The following TBC1D31 variants were observed in gnomAD, a reference collection of about 807,000 sequenced individuals.
The protein encoded by TBC1D31 is TBC1 domain family member 31.
TBC1D31 carries 99 observed loss-of-function variants against 132.9 expected under a neutral mutation model. That is an observed-to-expected ratio of 0.74 (90% CI 0.63 to 0.88). The LOEUF (loss-of-function observed/expected upper bound fraction) is 0.88, where lower values mean the gene tolerates loss of function less well. TBC1D31 is among the 40% of genes least tolerant of loss of function. The pLI is 0.00. For synonymous variants in TBC1D31, 385 were observed against 419.4 expected (o/e 0.92, Z 1.00); for missense variants, 1,134 against 1,256.6 (o/e 0.90, Z 1.48).
intron 3 of TBC1D31, chr8:123,083,481 C>T (rs1344458442): frequency 6.6e-6 from 1 of 151,868 alleles, no homozygotes; most frequent in Non-Finnish European, 1.5e-5. Context: ...TGGTCTCGAA[C>T]TTCTAGGCTG....
chr8:123,087,750 G>A (rs1815911351), intron 4 of TBC1D31, among the ~76,000 whole-genome samples: 2 of 152,076 alleles, frequency 1.3e-5, no homozygotes, highest in Non-Finnish European at 2.9e-5. Context: ...AGACATTTTA[G>A]TTTAAAAATT....
intron 11 of TBC1D31, among the ~76,000 whole-genome samples, chr8:123,120,735 T>G (rs887815715): frequency 1.2e-4 from 18 of 152,118 alleles, no homozygotes; most frequent in Admixed American, 2.0e-4. Context: ...TTTCATCTTA[T>G]GAATATATCA....
chr8:123,157,055 T>A (rs568497509), downstream of TBC1D31, among the ~76,000 whole-genome samples: 13 of 152,344 alleles, frequency 8.5e-5, no homozygotes, highest in African/African-American at 2.9e-4. Context: ...TGCTCTTTCC[T>A]GGACACTCGG....
chr8:123,112,114 CAATGTATTGGTATT>C (rs770200373), intron 10 of TBC1D31, among the ~76,000 whole-genome samples: 212 of 152,286 alleles, frequency 1.4e-3, no homozygotes, highest in Middle Eastern at 3.4e-3. Context: ...CCTCTACCAC[CAATGTATTGGTATT>C]AATGTATTGG....
rs117552523 is a variant in TBC1D31, at chr8:123,082,758, G to T, written c.281G>T (p.Arg94Leu). ...TGCACAGCTCTGGCCTTTAATCTTC[G>T]TAGGAAATCTGAATTCCTTGTGGCA... ...QACTALAFNL[R>L]RKSEFLVALA... The change falls in exon 3 of 22, where the codon CGT becomes CTT. Residue 94 changes from arginine (R) to leucine (L), a missense_variant. Transcript: ENST00000287380. 36 of 1,613,160 alleles carry T rather than the reference G, an allele frequency of 2.2e-5. No individual in the cohort carries two copies. The highest frequency in any genetic ancestry group is 1.0e-4 in the Admixed American group (6 of 59,996).
intron 6 of TBC1D31, among the ~76,000 whole-genome samples, chr8:123,100,241 G>A (rs748750817): frequency 3.9e-5 from 6 of 152,058 alleles, no homozygotes; most frequent in Non-Finnish European, 7.4e-5. Flanking sequence ...TAGAGCCAGG[G>A]CATAATCAAC....
At chr8:123,096,168 TCCTATTTAA>T (rs1816816209) in intron 5 of TBC1D31, among the ~76,000 whole-genome samples, 1 of 152,196 alleles carries the variant, frequency 6.6e-6, no homozygotes. Flanking sequence ...CATGTCACTT[TCCTATTTAA>T]CCTCCTTCAT....
intron 2 of TBC1D31, 174 bp from the exon 3 acceptor site, chr8:123,082,528 G>A: frequency 1.7e-6 from 1 of 571,524 alleles, no homozygotes; most frequent in Non-Finnish European, 3.1e-6. Flanking sequence ...TTCCTATTCT[G>A]ATAACATCCA....
At position 123,097,307 on chromosome 8, in the gene TBC1D31, G is replaced by A. The variant is rs911090407; in HGVS notation, c.697G>A (p.Gly233Ser). ...TRDGRILAAG[G>S]KSNHLHLWCL... ...AGATGGCCGAATCCTGGCTGCTGGA[G>A]GCAAGTCAAATCATCTTCATTTGTG... The change falls in exon 6 of 22, where the codon GGC becomes AGC. Residue 233 changes from glycine to serine, a missense_variant. Gly to Ser is a moderately conservative substitution (Grantham distance 56, BLOSUM62 0). Coordinates refer to ENST00000287380, the MANE Select transcript of TBC1D31 (RefSeq NM_145647.4). The A allele has an allele frequency of 3.4e-5, 55 of 1,614,078 alleles. No individual in the cohort carries two copies. Among genetic ancestry groups the A allele is most frequent in the Non-Finnish European group, 4.6e-5 (54 of 1,179,996 alleles).
intron 11 of TBC1D31, among the ~76,000 whole-genome samples, chr8:123,122,931 A>G (rs1378531584): frequency 2.0e-5 from 3 of 152,194 alleles, no homozygotes; most frequent in Non-Finnish European, 4.4e-5. Context: ...GTCTCAAAGT[A>G]GTTTTACTCA....
intron 21 of TBC1D31, among the ~76,000 whole-genome samples, 169 bp downstream of exon 21, chr8:123,150,297 G>A (rs1324684724): frequency 2.0e-5 from 3 of 152,214 alleles, no homozygotes; most frequent in African/African-American, 7.2e-5. Flanking sequence ...TCCTCAGTGG[G>A]AGAACTGGGT....
chr8:123,159,200 A>G, the TBC1D31 span, among the ~76,000 whole-genome samples: 1 of 151,280 alleles, frequency 6.6e-6, no homozygotes, highest in African/African-American at 2.4e-5. Flanking sequence ...CAGTCCCAGG[A>G]CTGGCAAGCT....
At chr8:123,083,984 T>C in intron 3 of TBC1D31, 178 bp from the exon 4 acceptor site, 1 of 538,580 alleles carries the variant, frequency 1.9e-6, no homozygotes, top group Non-Finnish European at 3.3e-6. Context: ...GTTGCTAACA[T>C]GTTCCGTCAT....
chr8:123,101,179 C>G (rs1054962227), intron 7 of TBC1D31, 172 bp downstream of exon 7: 1 of 524,504 alleles, frequency 1.9e-6, no homozygotes, highest in African/African-American at 1.9e-5. Context: ...TGATTTCTCA[C>G]GTATGCTCCA....
At chr8:123,088,714 A>G (rs1162058031) in intron 4 of TBC1D31, among the ~76,000 whole-genome samples, 1 of 152,198 alleles carries the variant, frequency 6.6e-6, no homozygotes, top group Admixed American at 6.5e-5. Flanking sequence ...TTGATTGCAC[A>G]TGCGACCCTT....
chr8:123,132,102 C>T (rs1399922413), intron 16 of TBC1D31, among the ~76,000 whole-genome samples: 3 of 152,172 alleles, frequency 2.0e-5, no homozygotes, highest in South Asian at 4.1e-4. Flanking sequence ...AATTCTCTTA[C>T]ATATTTGATC....
chr8:123,124,602 A>G (rs1321527899), intron 11 of TBC1D31, among the ~76,000 whole-genome samples: 1 of 152,030 alleles, frequency 6.6e-6, no homozygotes, highest in Non-Finnish European at 1.5e-5. Context: ...CATAACAAGT[A>G]CTCAGGTGCT....
intron 8 of TBC1D31, among the ~76,000 whole-genome samples, chr8:123,108,488 G>A (rs1317201572): frequency 6.6e-6 from 1 of 152,136 alleles, no homozygotes; most frequent in Non-Finnish European, 1.5e-5. Flanking sequence ...GAATTGCCTA[G>A]AATTTTAAGG....
chr8:123,088,711 C>A (rs1433032992), intron 4 of TBC1D31, among the ~76,000 whole-genome samples: 1 of 152,120 alleles, frequency 6.6e-6, no homozygotes, highest in Non-Finnish European at 1.5e-5. Flanking sequence ...GTTTTGATTG[C>A]ACATGCGACC....
Sources: gnomAD v4.1 joint callset for allele counts (sites outside exome capture counted in the v4.1 genomes callset) on GRCh38, gnomAD v4.1.1 for gene constraint, MANE v1.5 for transcripts, NCBI Gene and HGNC (gene_info 2026-07-23, HGNC 2026-07-21) for gene names.